FAT1: variants seen among roughly 807,000 people sequenced by gnomAD.
FAT1 encodes protocadherin Fat 1.
Under a neutral mutation model 329.8 loss-of-function variants are expected in FAT1, and 171 were observed. The ratio of observed to expected loss-of-function variants is 0.52; its 90% confidence interval spans 0.46 to 0.59. The LOEUF is 0.59. FAT1 is among the 20% of genes least tolerant of loss of function. The probability of loss-of-function intolerance (pLI) is 0.00; values close to 1 mark genes in which losing one functional copy is unlikely to be tolerated. For missense variants in FAT1, 5,672 were observed against 5,774.4 expected (o/e 0.98, Z 0.57); for synonymous variants, 2,233 against 2,228.6 (o/e 1.00, Z -0.06).
rs1329128074 is a variant in FAT1, at chr4:186,707,277, G to C, written c.2551C>G (p.Leu851Val). The C allele has an allele frequency of 6.2e-7, 1 of 1,613,966 alleles. No individual in the cohort carries two copies. Among genetic ancestry groups the C allele is most frequent in the South Asian group, 1.1e-5 (1 of 91,074 alleles). Residue 851 changes from leucine to valine, a missense_variant, in exon 2 of 27, where the codon CTG (leucine) becomes GTG (valine). Coordinates refer to ENST00000441802, the MANE Select transcript of FAT1 (RefSeq NM_005245.4). The part of the protein sequence containing the change: ...IIQVEATDKD[L>V]GPNGHVTYSI... ...TACGTCACGTGTCCGTTGGGCCCCA[G>C]GTCTTTATCTGTGGCTTCAACCTGG...
intron 3 of FAT1, among the ~76,000 whole-genome samples, chr4:186,642,984 T>C (rs1368751321): frequency 6.6e-6 from 1 of 152,194 alleles, no homozygotes; most frequent in Non-Finnish European, 1.5e-5. Flanking sequence ...GAAGTATTAC[T>C]TTTACGAAGA....
At chr4:186,633,104 G>A (rs569008126) in intron 7 of FAT1, among the ~76,000 whole-genome samples, 45 of 151,804 alleles carry the variant, frequency 3.0e-4, no homozygotes, top group African/African-American at 9.7e-4. Context: ...CACTCCAAAC[G>A]GCCCACACTG....
chr4:186,616,969 T>A, intron 11 of FAT1, 36 bp downstream of exon 11: 1 of 1,569,138 alleles, frequency 6.4e-7, no homozygotes, highest in South Asian at 1.2e-5. Context: ...GAAATTGAAA[T>A]TCATAACACA....
intron 2 of FAT1, among the ~76,000 whole-genome samples, chr4:186,684,445 C>G (rs1198322143): frequency 1.3e-5 from 2 of 152,130 alleles, no homozygotes; most frequent in Non-Finnish European, 1.5e-5. Flanking sequence ...TCGTAGGAGA[C>G]GTAGGACCAT....
intron 3 of FAT1, among the ~76,000 whole-genome samples, chr4:186,645,309 C>A (rs1278654874): frequency 7.1e-6 from 1 of 141,434 alleles, no homozygotes; most frequent in African/African-American, 2.6e-5. Flanking sequence ...TATTTCAAGC[C>A]ACTCAATTTT....
chr4:186,700,317 T>C (rs182819724), intron 2 of FAT1, among the ~76,000 whole-genome samples: 38 of 152,322 alleles, frequency 2.5e-4, no homozygotes, highest in African/African-American at 8.9e-4. Flanking sequence ...CTTTTACAAC[T>C]GCAAACACAA....
At chr4:186,700,042 T>C (rs1054335104) in intron 2 of FAT1, among the ~76,000 whole-genome samples, 1 of 151,930 alleles carries the variant, frequency 6.6e-6, no homozygotes, top group Non-Finnish European at 1.5e-5. Context: ...GGACGGTGAG[T>C]AAGCTTACTC....
At chr4:186,716,143 C>T (rs1199257956) in intron 1 of FAT1, among the ~76,000 whole-genome samples, 6 of 151,978 alleles carry the variant, frequency 3.9e-5, no homozygotes, top group Admixed American at 1.3e-4. Context: ...TGTTAAACGC[C>T]GCATATTTAT....
chr4:186,672,809 T>C (rs1002502947), intron 2 of FAT1, among the ~76,000 whole-genome samples: 8 of 152,138 alleles, frequency 5.3e-5, no homozygotes, highest in African/African-American at 1.9e-4. Flanking sequence ...TGCCTGTCCT[T>C]CAATTGGAGG....
upstream of FAT1, among the ~76,000 whole-genome samples, chr4:186,725,185 G>A (rs1745676018): frequency 6.6e-6 from 1 of 152,128 alleles, no homozygotes; most frequent in Middle Eastern, 3.4e-3. This position sits in a 1 kb window ranked among gnomAD's most constrained non-coding sequence, Gnocchi z 5.4. Context: ...AGTGCTTACA[G>A]GTCAATTTCA....
At position 186,628,220 on chromosome 4, in the gene FAT1, A is replaced by G. The variant is rs754134821; in HGVS notation, c.4744T>C (p.Leu1582=). 1 of 1,614,004 alleles carries G rather than the reference A, an allele frequency of 6.2e-7. No homozygotes were observed. The highest frequency in any genetic ancestry group is 8.5e-7 in the Non-Finnish European group (1 of 1,179,882). Residue 1582 remains leucine, a synonymous_variant, in exon 9 of 27, where the codon TTG becomes CTG. Coordinates refer to ENST00000441802, the MANE Select transcript of FAT1 (RefSeq NM_005245.4). ...YESAAVGSVV[L]QVTALDKDKG... is the part of the protein sequence containing the mutation. ...TCCTTGTCCAGAGCCGTCACCTGCA[A>G]CACAACTGAGCCAACGGCTGCCGAT... is the stretch of plus-strand genomic sequence containing the variant.
chr4:186,636,950 A>T, intron 4 of FAT1, 36 bp from the exon 5 acceptor site: 1 of 1,519,328 alleles, frequency 6.6e-7, no homozygotes, highest in South Asian at 1.3e-5. Context: ...ACATGTTAAG[A>T]TATACTATAT....
intron 7 of FAT1, among the ~76,000 whole-genome samples, chr4:186,630,988 G>A (rs1451006815): frequency 2.0e-5 from 3 of 152,142 alleles, no homozygotes; most frequent in South Asian, 2.1e-4. Context: ...AGCCACACAC[G>A]CAGGACAGGA....
At position 186,668,340 on chromosome 4, in the gene FAT1, G is replaced by C. The variant is rs1254118241; in HGVS notation, c.3266-4727C>G. Among the ~76,000 whole-genome samples the C allele has an allele frequency of 2.0e-5, 3 of 152,270 alleles. No individual in the cohort carries two copies. The East Asian group carries it at 5.8e-4, about 29-fold the overall frequency. On this transcript the variant is annotated intron_variant, in intron 2 of 26. Transcript: ENST00000441802. ...GAAGGTCCAGGATGGCTGAGTGAGA[G>C]TCTAGATAATGTGCAAAGAAAGACC...
chr4:186,599,316 G>T (rs561783971), intron 22 of FAT1, among the ~76,000 whole-genome samples: 1 of 152,176 alleles, frequency 6.6e-6, no homozygotes, highest in African/African-American at 2.4e-5. Context: ...AGCTCTATTT[G>T]GTATGACAAC....
intron 2 of FAT1, among the ~76,000 whole-genome samples, chr4:186,672,981 T>C (rs2126634487): frequency 6.6e-6 from 1 of 152,304 alleles, no homozygotes; most frequent in East Asian, 1.9e-4. Flanking sequence ...AATGGACTTA[T>C]TATATGATGG....
rs201487149 is a variant in FAT1, at chr4:186,709,387, C to A, written c.441G>T (p.Pro147=). The A allele has an allele frequency of 6.2e-7, 1 of 1,613,910 alleles. No individual in the cohort carries two copies. The highest frequency in any genetic ancestry group is 1.6e-4 in the Middle Eastern group (1 of 6,062). Residue 147 remains proline (P), a synonymous_variant, in exon 2 of 27, where the codon CCG becomes CCT. Coordinates refer to ENST00000441802, the MANE Select transcript of FAT1 (RefSeq NM_005245.4). ...VQVLDTNDLR[P]LFSPTSYSVS... ...CGCTGTATGAGGTGGGTGAGAATAA[C>A]GGTCTCAAGTCATTTGTATCCAGCA...
chr4:186,608,691 T>C (rs1290145202), intron 16 of FAT1, among the ~76,000 whole-genome samples: 1 of 152,226 alleles, frequency 6.6e-6, no homozygotes. Flanking sequence ...CCTCTGGTCC[T>C]GGTTTTCTAT....
At chr4:186,631,078 G>A (rs753109315) in intron 7 of FAT1, among the ~76,000 whole-genome samples, 3 of 152,088 alleles carry the variant, frequency 2.0e-5, no homozygotes, top group Non-Finnish European at 4.4e-5. Context: ...GAGGCTGCCC[G>A]CTTGACTCAC....
Sources: gnomAD v4.1 joint callset for allele counts (sites outside exome capture counted in the v4.1 genomes callset) on GRCh38, gnomAD v4.1.1 for gene constraint, Gnocchi (gnomAD v3.1) non-coding constraint, MANE v1.5 for transcripts, NCBI Gene and HGNC (gene_info 2026-07-23, HGNC 2026-07-21) for gene names.